The following NLK variants were observed in gnomAD, a reference collection of about 807,000 sequenced individuals.
The protein encoded by NLK is nemo like kinase, also known as serine/threonine-protein kinase NLK.
A neutral mutation model predicts 59.0 loss-of-function variants in NLK; 11 were observed. The ratio of observed to expected loss-of-function variants is 0.19; its 90% CI spans 0.12 to 0.31. The LOEUF (loss-of-function observed/expected upper bound fraction) is 0.31, where lower values mean the gene tolerates loss of function less well. Ranked by LOEUF, NLK falls within the 10% of genes least tolerant of loss-of-function variation. The probability of loss-of-function intolerance (pLI) is 1.00; values close to 1 mark genes in which losing one functional copy is unlikely to be tolerated. For synonymous variants in NLK, 235 were observed against 235.9 expected (o/e 1.00, Z 0.03); for missense variants, 410 against 661.1 (o/e 0.62, Z 4.16).
chr17:28,185,372 G>A lies in NLK; in HGVS notation c.1236+107G>A, dbSNP rs538543926. On this transcript the variant is annotated intron_variant, in intron 8 of 10. Coordinates refer to ENST00000407008, the MANE Select transcript of NLK (RefSeq NM_016231.5). ...TGGCAATGTAAATAATTACTTTTCA[G>A]AATATAAACTTCAATCCCCAGTATC... is the stretch of plus-strand genomic sequence containing the variant. 7.3e-6 allele frequency: 5 copies of A among 681,032 alleles called. No homozygotes were observed. In the African/African-American group the frequency reaches 9.1e-5, roughly 12 times the overall value. 42.2% of individuals were successfully genotyped at this position (681,032 alleles called of 1,614,324 possible).
At chr17:28,202,881 G>A in the NLK span, among the ~76,000 whole-genome samples, 2 of 151,014 alleles carry the variant, frequency 1.3e-5, no homozygotes, top group African/African-American at 2.4e-5. Context: ...ATGGGGTTTC[G>A]CCATGTTGGC....
rs1909374579 is a variant in NLK at position 28,193,291 on chromosome 17, T to C, written c.1529+1078T>C. 2.0e-5 allele frequency among the ~76,000 whole-genome samples: 3 copies of C among 152,194 alleles called. No homozygotes were observed. In the South Asian group the frequency reaches 6.2e-4, roughly 32 times the overall value. The stretch of plus-strand genomic sequence containing the variant: ...AAGAGGTTCCTCATGTAAGGACCTC[T>C]TTGGAGAGGGTATGGCTGCCACAGG... On this transcript the variant is annotated intron_variant, in intron 10 of 10. Coordinates refer to ENST00000407008, the MANE Select transcript of NLK (RefSeq NM_016231.5).
intron 1 of NLK, among the ~76,000 whole-genome samples, chr17:28,074,638 G>T (rs1234708796): frequency 6.6e-6 from 1 of 152,132 alleles, no homozygotes; most frequent in Non-Finnish European, 1.5e-5. Flanking sequence ...TACGAAAAGA[G>T]ATCTAAGGGC....
rs574609788 is a variant in NLK at position 28,053,065 on chromosome 17, C to T, written c.458+9734C>T. ...TGCTGGGATTACAGGCCTGAGCCAC[C>T]GCACCTGGCCTCTCTTTGGCTTTTG... On this transcript the variant is annotated intron_variant, in intron 1 of 10. Coordinates refer to ENST00000407008, the MANE Select transcript of NLK (RefSeq NM_016231.5). 1.4e-4 allele frequency among the ~76,000 whole-genome samples: 22 copies of T among 151,998 alleles called. No homozygotes were observed. The South Asian group carries it at 4.2e-3, about 29-fold the overall frequency.
chr17:28,180,361 A>G (rs948717387), intron 7 of NLK, among the ~76,000 whole-genome samples: 2 of 152,192 alleles, frequency 1.3e-5, no homozygotes, highest in African/African-American at 4.8e-5. Context: ...ATTCACTGGC[A>G]TATAGAACTA....
intron 3 of NLK, among the ~76,000 whole-genome samples, chr17:28,136,921 T>C (rs532765328): frequency 6.8e-6 from 1 of 146,662 alleles, no homozygotes; most frequent in South Asian, 2.2e-4. Flanking sequence ...CCTGTGTTTT[T>C]GATACAAATA....
chr17:28,067,837 A>AAT (rs111252386), intron 1 of NLK, among the ~76,000 whole-genome samples: 8,398 of 146,310 alleles, frequency 0.057, 230 homozygotes, highest in Non-Finnish European at 0.069. Context: ...ACCTTCTTAA[A>AAT]ATATATATAT....
chr17:28,165,069 C>G (rs760148768), intron 5 of NLK, among the ~76,000 whole-genome samples: 12 of 152,070 alleles, frequency 7.9e-5, no homozygotes, highest in Non-Finnish European at 1.8e-4. Flanking sequence ...TTAATTGCCA[C>G]CAAAATCTAC....
intron 1 of NLK, among the ~76,000 whole-genome samples, chr17:28,120,628 A>C (rs1906004126): frequency 6.6e-6 from 1 of 152,142 alleles, no homozygotes; most frequent in Non-Finnish European, 1.5e-5. Flanking sequence ...GAATAATAAT[A>C]ATAGATAATA....
chr17:28,138,512 A>G (rs1597703969), intron 3 of NLK, among the ~76,000 whole-genome samples: 1 of 152,232 alleles, frequency 6.6e-6, no homozygotes, highest in African/African-American at 2.4e-5. Flanking sequence ...AAAGACAGTG[A>G]GGAAACCTGT....
intron 2 of NLK, among the ~76,000 whole-genome samples, chr17:28,126,877 T>C (rs1367347242): frequency 6.6e-6 from 1 of 152,214 alleles, no homozygotes; most frequent in Non-Finnish European, 1.5e-5. Context: ...CATTTGTGCT[T>C]GTATGTATAT....
chr17:28,072,617 T>G (rs943594585), intron 1 of NLK, among the ~76,000 whole-genome samples: 3 of 152,112 alleles, frequency 2.0e-5, no homozygotes, highest in African/African-American at 7.2e-5. Flanking sequence ...ATTTCTTATG[T>G]TCTGCTTTTC....
intron 3 of NLK, among the ~76,000 whole-genome samples, chr17:28,151,427 A>C (rs1907475208): frequency 6.6e-6 from 1 of 152,232 alleles, no homozygotes; most frequent in South Asian, 2.1e-4. Flanking sequence ...AAAGAAAAAA[A>C]CTGCATTATT....
intron 2 of NLK, among the ~76,000 whole-genome samples, chr17:28,129,497 G>T (rs1906427866): frequency 6.6e-6 from 1 of 152,048 alleles, no homozygotes; most frequent in Admixed American, 6.6e-5. Flanking sequence ...CTTAACCTGG[G>T]TGGTATTTAC....
the NLK span, among the ~76,000 whole-genome samples, chr17:28,202,663 G>C: frequency 6.6e-6 from 1 of 150,980 alleles, no homozygotes; most frequent in African/African-American, 2.4e-5. Context: ...TGTAAAATCA[G>C]TGTCATTTCT....
At chr17:28,193,729 G>C (rs777131505) in intron 10 of NLK, among the ~76,000 whole-genome samples, 8 of 152,114 alleles carry the variant, frequency 5.3e-5, no homozygotes, top group Non-Finnish European at 7.3e-5. Flanking sequence ...GGATTTGTTG[G>C]ACCACAGTCA....
At chr17:28,073,462 ATTTC>A (rs1159859376) in intron 1 of NLK, among the ~76,000 whole-genome samples, 1 of 152,094 alleles carries the variant, frequency 6.6e-6, no homozygotes, top group Non-Finnish European at 1.5e-5. Flanking sequence ...GTGAATGTAT[ATTTC>A]TTTCTTGTTT....
intron 6 of NLK, among the ~76,000 whole-genome samples, chr17:28,169,335 C>G (rs574705420): frequency 6.6e-6 from 1 of 152,320 alleles, no homozygotes; most frequent in South Asian, 2.1e-4. Context: ...TGTACTTACA[C>G]TTTGTGCTTA....
chr17:28,120,253 T>C (rs1009273336), intron 1 of NLK, among the ~76,000 whole-genome samples: 1 of 145,224 alleles, frequency 6.9e-6, no homozygotes, highest in African/African-American at 2.6e-5. Context: ...TGTGTGTGTG[T>C]GTGTGTGTGT....
Sources: allele counts gnomAD v4.1 joint callset (sites outside exome capture counted in the v4.1 genomes callset), GRCh38; gene constraint gnomAD v4.1.1; transcripts MANE v1.5; gene names NCBI Gene and HGNC (gene_info 2026-07-23, HGNC 2026-07-21).